ERC2: variants seen among roughly 807,000 people sequenced by gnomAD.
The protein encoded by ERC2 is ELKS/RAB6-interacting/CAST family member 2.
A neutral mutation model predicts 114.8 loss-of-function variants in ERC2; 42 were observed. That is an observed-to-expected ratio of 0.37 (90% CI 0.29 to 0.47). ERC2 has a LOEUF of 0.47. ERC2 is among the 20% of genes least tolerant of loss of function. ERC2 has a pLI of 0.99. For synonymous variants in ERC2, 454 were observed against 425.5 expected, an observed-to-expected ratio of 1.07 and a Z score of -0.82; for missense variants, 939 against 1,150.7, an observed-to-expected ratio of 0.82 and a Z score of 2.66.
chr3:55,774,651 G>A (rs1362404766), intron 14 of ERC2, among the ~76,000 whole-genome samples: 1 of 152,212 alleles, frequency 6.6e-6, no homozygotes, highest in Non-Finnish European at 1.5e-5. Context: ...GTCAGCCTGG[G>A]AGAACCCACC....
intron 15 of ERC2, among the ~76,000 whole-genome samples, chr3:55,722,504 G>C (rs1271020729): frequency 5.3e-5 from 8 of 152,146 alleles, no homozygotes. Context: ...ATCCCTCATA[G>C]AGCATCATCT....
chr3:56,197,607 A>G (rs193033318), intron 3 of ERC2, among the ~76,000 whole-genome samples: 2 of 152,362 alleles, frequency 1.3e-5, no homozygotes, highest in Admixed American at 6.5e-5. Flanking sequence ...CTAAAGTTTC[A>G]TGAAACAACT....
At chr3:56,331,648 G>A (rs2057621168) in intron 2 of ERC2, among the ~76,000 whole-genome samples, 1 of 136,148 alleles carries the variant, frequency 7.3e-6, no homozygotes, top group Non-Finnish European at 1.6e-5. Flanking sequence ...TATTTGATCT[G>A]ATGGAAGAAG....
intron 6 of ERC2, among the ~76,000 whole-genome samples, chr3:56,136,915 T>G (rs182501222): frequency 6.6e-6 from 1 of 152,330 alleles, no homozygotes. Context: ...TCATCTCACT[T>G]TCTCTGCACA....
chr3:55,894,342 C>T (rs2063745752), intron 13 of ERC2, among the ~76,000 whole-genome samples: 1 of 152,002 alleles, frequency 6.6e-6, no homozygotes, highest in Non-Finnish European at 1.5e-5. Context: ...ATTACCATTG[C>T]TATGCAAAAA....
chr3:55,883,088 A>ACC (rs1559811229), intron 14 of ERC2, among the ~76,000 whole-genome samples: 2 of 152,346 alleles, frequency 1.3e-5, no homozygotes, highest in African/African-American at 4.8e-5. Flanking sequence ...CTAAAAGAGT[A>ACC]CCTAGCACAT....
At chr3:56,062,818 G>A (rs1385721247) in intron 7 of ERC2, among the ~76,000 whole-genome samples, 1 of 151,998 alleles carries the variant, frequency 6.6e-6, no homozygotes, top group African/African-American at 2.4e-5. Flanking sequence ...GCTCACCTGG[G>A]GTAATGCATT....
intron 2 of ERC2, among the ~76,000 whole-genome samples, chr3:56,422,845 G>A (rs1051368183): frequency 8.5e-5 from 13 of 152,184 alleles, no homozygotes; most frequent in African/African-American, 3.1e-4. Flanking sequence ...GTGTCTTGCA[G>A]GGCTGTTGAG....
intron 17 of ERC2, among the ~76,000 whole-genome samples, chr3:55,575,959 G>A (rs1483436120): frequency 6.6e-6 from 1 of 152,198 alleles, no homozygotes; most frequent in Non-Finnish European, 1.5e-5. Flanking sequence ...AGGCTGCTCA[G>A]TGATTTGCTT....
rs147581839 is a variant in ERC2 at position 56,151,493 on chromosome 3, T to C, written c.1150-2361A>G. On this transcript the variant is annotated intron_variant, in intron 4 of 17. Transcript: ENST00000288221. ...TTCAAAGGAAAACTGACACAAAAAA[T>C]ACAGATATATCAGATGGTTTTGGGT... Among the ~76,000 whole-genome samples, 264 of 152,118 alleles carry C rather than the reference T, an allele frequency of 1.7e-3. 4 individuals are homozygous for C. Among genetic ancestry groups the C allele is most frequent in the African/African-American group, 6.2e-3 (257 of 41,486 alleles).
At chr3:56,314,999 A>T (rs2056795240) in intron 2 of ERC2, among the ~76,000 whole-genome samples, 1 of 152,244 alleles carries the variant, frequency 6.6e-6, no homozygotes, top group African/African-American at 2.4e-5. Flanking sequence ...CACGAGCCAG[A>T]GTTCCACACT....
intron 15 of ERC2, among the ~76,000 whole-genome samples, chr3:55,727,962 C>T (rs1230184731): frequency 6.6e-6 from 1 of 152,138 alleles, no homozygotes; most frequent in East Asian, 1.9e-4. Context: ...GACACACAGG[C>T]CTCATCTTCT....
intron 2 of ERC2, among the ~76,000 whole-genome samples, chr3:56,431,734 T>C (rs9876122): frequency 0.42 from 63,139 of 152,086 alleles, 13,955 homozygotes; most frequent in East Asian, 0.7. Context: ...AGACATCATA[T>C]TGCAAGTAAA....
At chr3:56,121,473 A>G (rs1264560938) in intron 6 of ERC2, among the ~76,000 whole-genome samples, 1 of 152,196 alleles carries the variant, frequency 6.6e-6, no homozygotes, top group Non-Finnish European at 1.5e-5. Context: ...GAACCTATAT[A>G]CAGAAAGCAT....
At chr3:55,715,456 A>T (rs896937464) in intron 15 of ERC2, among the ~76,000 whole-genome samples, 1 of 152,130 alleles carries the variant, frequency 6.6e-6, no homozygotes, top group Non-Finnish European at 1.5e-5. Flanking sequence ...ATGCAAAAAA[A>T]TTTTTCTCAT....
chr3:55,795,676 G>A (rs1422624452), intron 14 of ERC2, among the ~76,000 whole-genome samples: 1 of 152,194 alleles, frequency 6.6e-6, no homozygotes, highest in Non-Finnish European at 1.5e-5. Context: ...AAACCATAGA[G>A]GGACTGGATA....
intron 17 of ERC2, among the ~76,000 whole-genome samples, chr3:55,523,815 G>A (rs2053127641): frequency 6.6e-6 from 1 of 152,214 alleles, no homozygotes; most frequent in Non-Finnish European, 1.5e-5. Context: ...CTGACTGTGT[G>A]CCAGGAATAG....
intron 12 of ERC2, among the ~76,000 whole-genome samples, chr3:55,967,833 T>C (rs1324917816): frequency 6.6e-6 from 1 of 152,154 alleles, no homozygotes; most frequent in Non-Finnish European, 1.5e-5. Flanking sequence ...TCTCACCGTT[T>C]CTGTTGTACT....
chr3:56,329,612 A>T (rs2057514899), intron 2 of ERC2, among the ~76,000 whole-genome samples: 2 of 152,194 alleles, frequency 1.3e-5, no homozygotes, highest in African/African-American at 4.8e-5. Flanking sequence ...TGTCTCTCCT[A>T]AAAAGAAAAA....
Sources: gnomAD v4.1 joint callset for allele counts (sites outside exome capture counted in the v4.1 genomes callset) on GRCh38, gnomAD v4.1.1 for gene constraint, MANE v1.5 for transcripts, NCBI Gene and HGNC (gene_info 2026-07-23, HGNC 2026-07-21) for gene names.